The following PID1 variants were observed in gnomAD, a reference collection of about 807,000 sequenced individuals.
PID1 encodes the protein PTB-containing, cubilin and LRP1-interacting protein.
PID1 carries 10 observed loss-of-function variants against 19.1 expected under a neutral mutation model. The ratio of observed to expected loss-of-function variants is 0.52; its 90% confidence interval spans 0.32 to 0.89. The LOEUF (loss-of-function observed/expected upper bound fraction) is 0.89. Ranked by LOEUF, PID1 falls within the 40% of genes least tolerant of loss-of-function variation. The pLI, the probability that PID1 is intolerant of heterozygous loss-of-function variation, is 0.03. For synonymous variants in PID1, 130 were observed against 116.0 expected (o/e 1.12, Z -0.78); for missense variants, 248 against 285.3 (o/e 0.87, Z 0.94).
intron 1 of PID1, among the ~76,000 whole-genome samples, chr2:229,204,832 T>G (rs942759697): frequency 1.3e-5 from 2 of 152,110 alleles, no homozygotes; most frequent in Admixed American, 1.3e-4. Flanking sequence ...TCATTGTTAT[T>G]AAACGAATAT....
At chr2:229,179,936 C>T (rs1690904189) in intron 1 of PID1, among the ~76,000 whole-genome samples, 1 of 152,170 alleles carries the variant, frequency 6.6e-6, no homozygotes. Context: ...CCCTTTTGTC[C>T]TCAACTGAGT....
chr2:229,225,784 A>C (rs1044728891), intron 1 of PID1, among the ~76,000 whole-genome samples: 1 of 152,194 alleles, frequency 6.6e-6, no homozygotes, highest in Admixed American at 6.5e-5. Context: ...CAGCAAGGAC[A>C]GGAATAAGAG....
chr2:229,072,142 C>G (rs978920815), intron 2 of PID1, among the ~76,000 whole-genome samples: 2 of 152,148 alleles, frequency 1.3e-5, no homozygotes, highest in African/African-American at 4.8e-5. Context: ...TAAGATAACT[C>G]AGTTTCACTA....
At chr2:229,149,271 C>A (rs192034379) in intron 2 of PID1, among the ~76,000 whole-genome samples, 2 of 151,956 alleles carry the variant, frequency 1.3e-5, no homozygotes, top group Admixed American at 1.3e-4. Flanking sequence ...TAAAAAATGG[C>A]CCTTTGTCTA....
chr2:229,209,833 A>G lies in PID1; in HGVS notation c.31-53869T>C, dbSNP rs558525956. ...TCCATGCCTACTCAGGTTCATTTTT[A>G]TTTGTCAATTGCTTAAGGGCAGAAA... is the stretch of plus-strand genomic sequence containing the variant. On this transcript the variant is annotated intron_variant, in intron 1 of 2. Transcript: ENST00000392055. 2.6e-5 allele frequency among the ~76,000 whole-genome samples: 4 copies of G among 152,160 alleles called. No individual in the cohort carries two copies. In the East Asian group the frequency reaches 7.8e-4, roughly 30 times the overall value.
chr2:229,078,240 T>C (rs1486270646), intron 2 of PID1, among the ~76,000 whole-genome samples: 4 of 152,244 alleles, frequency 2.6e-5, no homozygotes, highest in Non-Finnish European at 4.4e-5. Flanking sequence ...TTTTTGCACA[T>C]TGATGTGGTA....
At chr2:229,264,808 T>C (rs1398451812) in intron 1 of PID1, among the ~76,000 whole-genome samples, 1 of 152,124 alleles carries the variant, frequency 6.6e-6, no homozygotes, top group Non-Finnish European at 1.5e-5. Flanking sequence ...TCCTCTAAGT[T>C]TACAACTATG....
chr2:229,228,738 T>TTGTTTTC (rs1692137969), intron 1 of PID1, among the ~76,000 whole-genome samples: 1 of 151,918 alleles, frequency 6.6e-6, no homozygotes, highest in African/African-American at 2.4e-5. Flanking sequence ...CAAAAAGGTA[T>TTGTTTTC]CTGCTAAAAC....
At chr2:229,167,185 T>G (rs1185719982) in intron 1 of PID1, among the ~76,000 whole-genome samples, 1 of 152,138 alleles carries the variant, frequency 6.6e-6, no homozygotes, top group East Asian at 1.9e-4. Flanking sequence ...TATAGCAATG[T>G]TTCAGGCATG....
At chr2:229,133,709 T>G (rs1574655017) in intron 2 of PID1, among the ~76,000 whole-genome samples, 1 of 152,220 alleles carries the variant, frequency 6.6e-6, no homozygotes, top group Non-Finnish European at 1.5e-5. Flanking sequence ...TTAAAATATT[T>G]AAACCAGCCA....
intron 2 of PID1, among the ~76,000 whole-genome samples, chr2:229,118,248 G>A (rs1695449070): frequency 6.6e-6 from 1 of 152,152 alleles, no homozygotes; most frequent in South Asian, 2.1e-4. Context: ...AATAATGACA[G>A]GAAATGGAAA....
chr2:229,101,796 C>G (rs377752532), intron 2 of PID1, among the ~76,000 whole-genome samples: 4 of 152,132 alleles, frequency 2.6e-5, no homozygotes, highest in African/African-American at 9.7e-5. Context: ...ATTTGCAGAG[C>G]CTATGGTGGG....
chr2:229,199,679 T>C (rs1198232038), intron 1 of PID1, among the ~76,000 whole-genome samples: 4 of 149,362 alleles, frequency 2.7e-5, no homozygotes, highest in South Asian at 2.1e-4. Flanking sequence ...TAATGTTCCA[T>C]GGAATATATA....
intron 2 of PID1, among the ~76,000 whole-genome samples, chr2:229,082,929 C>T (rs1367877182): frequency 1.3e-5 from 2 of 152,004 alleles, no homozygotes; most frequent in South Asian, 2.1e-4. Context: ...GTTATAGTGG[C>T]AATAGGAAAG....
chr2:229,218,395 C>T (rs1485062163), intron 1 of PID1, among the ~76,000 whole-genome samples: 3 of 151,946 alleles, frequency 2.0e-5, no homozygotes, highest in African/African-American at 7.3e-5. Flanking sequence ...CCCATTCAAC[C>T]CCTGTCCATA....
intron 2 of PID1, among the ~76,000 whole-genome samples, chr2:229,145,155 G>GTGTGTGTGTGTATATAAATATATATATA: frequency 8.3e-6 from 1 of 119,942 alleles, no homozygotes; most frequent in African/African-American, 3.2e-5. Flanking sequence ...ATATGTATGT[G>GTGTGTGTGTGTATATAAATATATATATA]TATATATATA....
chr2:229,097,104 C>G (rs1443349000), intron 2 of PID1, among the ~76,000 whole-genome samples: 1 of 152,140 alleles, frequency 6.6e-6, no homozygotes, highest in Non-Finnish European at 1.5e-5. Context: ...AAGGAATTTT[C>G]AGGACAGAAA....
At chr2:229,053,439 C>T (rs536124579) in intron 2 of PID1, among the ~76,000 whole-genome samples, 4 of 152,272 alleles carry the variant, frequency 2.6e-5, no homozygotes, top group South Asian at 2.1e-4. Flanking sequence ...GAGACAGAAG[C>T]GAATAAAACA....
At position 229,193,940 on chromosome 2, in the gene PID1, A is replaced by G. The variant is rs1313318092; in HGVS notation, c.31-37976T>C. Reference sequence around the variant, plus strand: ...TTTCAAAATGGCTTCCCAAGAGGGCAAGCAATAATGCAAAGAGGTATTGAA... The same window carrying G: ...TTTCAAAATGGCTTCCCAAGAGGGCGAGCAATAATGCAAAGAGGTATTGAA... On this transcript the variant is annotated intron_variant, in intron 1 of 2. Coordinates refer to ENST00000392055, the MANE Select transcript of PID1 (RefSeq NM_001100818.2). 2.6e-5 allele frequency among the ~76,000 whole-genome samples: 4 copies of G among 152,248 alleles called. No individual in the cohort carries two copies. The East Asian group carries it at 7.7e-4, about 29-fold the overall frequency.
Sources: allele counts gnomAD v4.1 joint callset (sites outside exome capture counted in the v4.1 genomes callset), GRCh38; gene constraint gnomAD v4.1.1; transcripts MANE v1.5; gene names NCBI Gene and HGNC (gene_info 2026-07-23, HGNC 2026-07-21).